Variants in RNF130 observed in about 807,000 individuals in gnomAD.
The protein encoded by RNF130 is E3 ubiquitin-protein ligase RNF130.
A neutral mutation model predicts 44.6 loss-of-function variants in RNF130; 21 were observed. That is an observed-to-expected ratio of 0.47 (90% CI 0.33 to 0.68). The LOEUF is 0.68. Among genes scored for constraint, RNF130 ranks in the 30% least tolerant of loss-of-function variants. RNF130 has a pLI of 0.02. For synonymous variants in RNF130, 214 were observed against 210.4 expected (o/e 1.02, Z -0.15); for missense variants, 479 against 560.6 (o/e 0.85, Z 1.47).
At chr5:180,043,954 C>A (rs747310571) in intron 1 of RNF130, among the ~76,000 whole-genome samples, 1 of 152,106 alleles carries the variant, frequency 6.6e-6, no homozygotes, top group Non-Finnish European at 1.5e-5. Flanking sequence ...CTGTAGTATA[C>A]TCATTCTACC....
At chr5:180,004,641 T>C (rs1763422775) in intron 3 of RNF130, among the ~76,000 whole-genome samples, 5 of 152,246 alleles carry the variant, frequency 3.3e-5, no homozygotes, top group South Asian at 2.1e-4. Context: ...AATGTTTGAA[T>C]TGGCAGAAAA....
chr5:180,019,382 T>C (rs1763821173), intron 2 of RNF130, among the ~76,000 whole-genome samples: 2 of 129,666 alleles, frequency 1.5e-5, no homozygotes, highest in African/African-American at 3.7e-5. Flanking sequence ...AGACTCTGTC[T>C]CAAAAAAAAA....
intron 1 of RNF130, among the ~76,000 whole-genome samples, chr5:180,040,849 C>A (rs1387352694): frequency 6.6e-6 from 1 of 152,028 alleles, no homozygotes; most frequent in Non-Finnish European, 1.5e-5. Context: ...GGGACGGTTA[C>A]CTATAATGCA....
At chr5:180,024,731 C>G (rs992086241) in intron 2 of RNF130, among the ~76,000 whole-genome samples, 1 of 152,188 alleles carries the variant, frequency 6.6e-6, no homozygotes, top group African/African-American at 2.4e-5. Flanking sequence ...AAATAAAGAA[C>G]AGCAGAACTG....
At chr5:180,047,463 G>A (rs1288721828) in intron 1 of RNF130, among the ~76,000 whole-genome samples, 1 of 151,854 alleles carries the variant, frequency 6.6e-6, no homozygotes, top group Admixed American at 6.6e-5. Flanking sequence ...GTTTTTTTCT[G>A]GCCCGGCGTG....
chr5:180,032,982 T>TA (rs1416158407), intron 2 of RNF130, among the ~76,000 whole-genome samples: 3 of 152,090 alleles, frequency 2.0e-5, no homozygotes, highest in Non-Finnish European at 4.4e-5. Context: ...ATCCAGATTT[T>TA]TTTTTTTTTT....
At chr5:180,036,530 T>C (rs1764253271) in intron 2 of RNF130, among the ~76,000 whole-genome samples, 1 of 152,192 alleles carries the variant, frequency 6.6e-6, no homozygotes, top group East Asian at 1.9e-4. Flanking sequence ...ACCACAAATT[T>C]CCACTGCTCT....
At chr5:179,981,345 A>G (rs1318035831) in intron 3 of RNF130, among the ~76,000 whole-genome samples, 1 of 152,188 alleles carries the variant, frequency 6.6e-6, no homozygotes, top group Non-Finnish European at 1.5e-5. Context: ...CACTGTGGGA[A>G]AAGGCAGATG....
chr5:180,068,349 TACAAG>T (rs1765156438), intron 1 of RNF130, among the ~76,000 whole-genome samples: 1 of 152,248 alleles, frequency 6.6e-6, no homozygotes, highest in African/African-American at 2.4e-5. Context: ...TGTGCATAAA[TACAAG>T]ACATGTTCCT....
chr5:180,034,075 T>C (rs954294707), intron 2 of RNF130, among the ~76,000 whole-genome samples: 1 of 150,214 alleles, frequency 6.7e-6, no homozygotes, highest in African/African-American at 2.4e-5. Context: ...CTGAGGATAT[T>C]TCCTAATGTG....
intron 2 of RNF130, among the ~76,000 whole-genome samples, chr5:180,039,641 C>T (rs780052419): frequency 6.6e-6 from 1 of 152,164 alleles, no homozygotes; most frequent in South Asian, 2.1e-4. Flanking sequence ...CAAGTCTTTG[C>T]AAGAAACTTG....
chr5:180,017,991 G>A (rs1763777642), intron 2 of RNF130, among the ~76,000 whole-genome samples: 1 of 152,150 alleles, frequency 6.6e-6, no homozygotes, highest in Admixed American at 6.5e-5. Flanking sequence ...CTGAGACTGG[G>A]TAATTGAGAA....
At chr5:179,981,152 G>C (rs1279278840) in intron 3 of RNF130, among the ~76,000 whole-genome samples, 1 of 149,294 alleles carries the variant, frequency 6.7e-6, no homozygotes, top group East Asian at 2.0e-4. Flanking sequence ...ATCTAGTAAA[G>C]ATAAATAGGT....
chr5:179,959,996 C>T (rs977649753), intron 8 of RNF130, among the ~76,000 whole-genome samples: 5 of 152,146 alleles, frequency 3.3e-5, no homozygotes, highest in Non-Finnish European at 7.4e-5. Context: ...TACCTAGTCA[C>T]GCCTCCCACT....
At chr5:180,002,848 GC>G (rs1173873069) in intron 3 of RNF130, among the ~76,000 whole-genome samples, 1 of 152,066 alleles carries the variant, frequency 6.6e-6, no homozygotes, top group Non-Finnish European at 1.5e-5. Context: ...TATTGTTCAG[GC>G]TTTTTTTGCA....
chr5:180,051,238 A>ATATTATATTTATTTATT (rs1554107009), intron 1 of RNF130, among the ~76,000 whole-genome samples: 4 of 144,158 alleles, frequency 2.8e-5, no homozygotes, highest in East Asian at 4.1e-4. Context: ...TATAGATATT[A>ATATTATATTTATTTATT]TATTTATTTA....
intron 1 of RNF130, among the ~76,000 whole-genome samples, chr5:180,053,598 G>C (rs1163660951): frequency 6.6e-6 from 1 of 152,104 alleles, no homozygotes; most frequent in Non-Finnish European, 1.5e-5. Flanking sequence ...AACAAGCAAA[G>C]CTACTTCTCA....
chr5:180,032,075 A>G (rs561789509), intron 2 of RNF130, among the ~76,000 whole-genome samples: 4 of 152,350 alleles, frequency 2.6e-5, no homozygotes, highest in South Asian at 2.1e-4. Context: ...TTGTTGATTT[A>G]TAAGAGTTCT....
At chr5:180,045,234 A>G (rs1384353768) in intron 1 of RNF130, among the ~76,000 whole-genome samples, 1 of 152,252 alleles carries the variant, frequency 6.6e-6, no homozygotes, top group Non-Finnish European at 1.5e-5. Flanking sequence ...AAAGGGCTGT[A>G]GGAATGAAAT....
Sources: allele counts gnomAD v4.1 joint callset (sites outside exome capture counted in the v4.1 genomes callset), GRCh38; gene constraint gnomAD v4.1.1; transcripts MANE v1.5; gene names NCBI Gene and HGNC (gene_info 2026-07-23, HGNC 2026-07-21).